ZNF227: variants seen among roughly 807,000 people sequenced by gnomAD.
ZNF227 encodes zinc finger protein 227.
ZNF227 carries 12 observed loss-of-function variants against 13.2 expected under a neutral mutation model. The ratio of observed to expected loss-of-function variants is 0.91; its 90% CI spans 0.58 to 1.47. The LOEUF (loss-of-function observed/expected upper bound fraction) is 1.47. Ranked by LOEUF, ZNF227 falls within the 40% of genes most tolerant of loss-of-function variation. The pLI, the probability that ZNF227 is intolerant of heterozygous loss-of-function variation, is 0.00. For synonymous variants in ZNF227, 338 were observed against 326.0 expected, an observed-to-expected ratio of 1.04 and a Z score of -0.40; for missense variants, 885 against 967.5, an observed-to-expected ratio of 0.91 and a Z score of 1.13.
intron 3 of ZNF227, among the ~76,000 whole-genome samples, chr19:44,225,747 G>A (rs1014436209): frequency 6.6e-6 from 1 of 152,180 alleles, no homozygotes; most frequent in African/African-American, 2.4e-5. Context: ...TTGATCGTCT[G>A]AAGCCTTCTC....
upstream of ZNF227, among the ~76,000 whole-genome samples, chr19:44,211,620 CTA>C (rs1971370608): frequency 1.3e-5 from 2 of 152,156 alleles, no homozygotes; most frequent in South Asian, 4.1e-4. Context: ...CTTGTGTTTT[CTA>C]TGTCTAGCTA....
intron 4 of ZNF227, chr19:44,228,806 G>A (rs981177271): frequency 1.4e-5 from 7 of 486,290 alleles, no homozygotes; most frequent in African/African-American, 1.2e-4. Context: ...AAGATATTTG[G>A]CAATGTCTGG....
Position 44,218,166 on chromosome 19 carries a change from G to T in ZNF227, c.60+314G>T, listed in dbSNP as rs1972088077. Among the ~76,000 whole-genome samples the T allele has an allele frequency of 3.3e-5, 5 of 151,992 alleles. No homozygotes were observed. In the South Asian group the frequency reaches 1.0e-3, roughly 32 times the overall value. Reference sequence around the variant, plus strand: ...ACTTGAGTAGATGAAATTTTCAATTGTGCATTCTCCACTTAATTGCATCAC... The same window carrying T: ...ACTTGAGTAGATGAAATTTTCAATTTTGCATTCTCCACTTAATTGCATCAC... On this transcript the variant is annotated intron_variant, in intron 3 of 5. Transcript: ENST00000313040.
chr19:44,235,175 C>A lies in ZNF227; in HGVS notation c.745C>A (p.Pro249Thr), dbSNP rs79006902. 2.5e-5 allele frequency: 40 copies of A among 1,613,922 alleles called. No individual in the cohort carries two copies. Among genetic ancestry groups the A allele is most frequent in the African/African-American group, 5.3e-5 (4 of 74,856 alleles). Residue 249 changes from proline to threonine, a missense_variant, in exon 6 of 6, where the codon CCC (proline) becomes ACC (threonine). Coordinates refer to ENST00000313040, the MANE Select transcript of ZNF227 (RefSeq NM_182490.3). ...SNQKLPLGEK[P>T]HPCGECGRGF... ...TCAGAAATTACCCTTAGGAGAGAAA[C>A]CCCATCCATGTGGTGAGTGTGGAAG...
At chr19:44,216,106 CT>C (rs1032870955) in intron 2 of ZNF227, among the ~76,000 whole-genome samples, 1 of 135,168 alleles carries the variant, frequency 7.4e-6, no homozygotes, top group Non-Finnish European at 1.6e-5. Context: ...AGTTCTTTGG[CT>C]TTTTTTAAAC....
intron 3 of ZNF227, among the ~76,000 whole-genome samples, chr19:44,223,731 A>AT (rs1478309689): frequency 2.0e-5 from 3 of 151,898 alleles, no homozygotes; most frequent in African/African-American, 7.3e-5. Flanking sequence ...GGATTCATTA[A>AT]TTTTTTGAAG....
At position 44,236,702 on chromosome 19, in the gene ZNF227, C is replaced by T. The variant is rs192544663; in HGVS notation, c.2272C>T (p.Arg758Cys). Residue 758 changes from arginine (R) to cysteine (C), a missense_variant, in exon 6 of 6, where the codon CGT becomes TGT. By Grantham distance (180) the Arg-to-Cys change is radical. Coordinates refer to ENST00000313040, the MANE Select transcript of ZNF227 (RefSeq NM_182490.3). ...ECGKGFSQSARLEAHQRVHTG... is the reference protein window; with the variant it reads ...ECGKGFSQSACLEAHQRVHTG... Reference sequence around the variant, plus strand: ...TGGTAAAGGCTTCAGTCAGAGTGCACGTCTTGAAGCCCATCAGAGAGTCCA... The same window carrying T: ...TGGTAAAGGCTTCAGTCAGAGTGCATGTCTTGAAGCCCATCAGAGAGTCCA... The T allele has an allele frequency of 2.7e-5, 43 of 1,605,508 alleles. No homozygotes were observed. The Admixed American group carries it at 3.4e-4, about 13-fold the overall frequency.
At chr19:44,233,315 AGTAG>A (rs1974054678) in intron 5 of ZNF227, among the ~76,000 whole-genome samples, 1 of 152,122 alleles carries the variant, frequency 6.6e-6, no homozygotes, top group Non-Finnish European at 1.5e-5. Flanking sequence ...TATTTCCTAT[AGTAG>A]TACTCTTATT....
intron 3 of ZNF227, 118 bp downstream of exon 3, chr19:44,217,970 A>G (rs1260615691): frequency 9.0e-7 from 1 of 1,111,438 alleles, no homozygotes; most frequent in Non-Finnish European, 1.3e-6. Flanking sequence ...GACATGTGGT[A>G]TGCTGACATG....
intron 3 of ZNF227, among the ~76,000 whole-genome samples, chr19:44,222,826 AC>A (rs1972690288): frequency 6.6e-6 from 1 of 151,772 alleles, no homozygotes; most frequent in Non-Finnish European, 1.5e-5. Context: ...GAGAGAGGGC[AC>A]CCCTGTCTTG....
intron 2 of ZNF227, chr19:44,213,904 A>C (rs1971576665): frequency 6.6e-6 from 1 of 152,252 alleles, no homozygotes; most frequent in Non-Finnish European, 1.5e-5. Context: ...TGCTCATTAT[A>C]GAGATGCACT....
At position 44,235,950 on chromosome 19, in the gene ZNF227, T is replaced by A. The variant is rs763149021; in HGVS notation, c.1520T>A (p.Leu507His). ...AAGGGCTTCAGTCAGGCTTCAAATC[T>A]TCAAGTCCATCAGAATGTCCACACT... is the stretch of plus-strand genomic sequence containing the variant. ...CGKGFSQASN[L>H]QVHQNVHTGE... The change falls in exon 6 of 6, where the codon CTT becomes CAT. Residue 507 changes from leucine to histidine, a missense_variant. Leu to His is a moderately conservative substitution (Grantham distance 99). Coordinates refer to ENST00000313040, the MANE Select transcript of ZNF227 (RefSeq NM_182490.3). 21 of 1,614,048 alleles carry A rather than the reference T, an allele frequency of 1.3e-5. No homozygotes were observed. The Admixed American group carries it at 3.5e-4, about 27-fold the overall frequency.
intron 3 of ZNF227, among the ~76,000 whole-genome samples, chr19:44,219,744 T>C (rs911031909): frequency 2.6e-5 from 4 of 151,188 alleles, no homozygotes; most frequent in African/African-American, 9.7e-5. Flanking sequence ...CTTTTTTTTT[T>C]GGATGTTGAT....
At chr19:44,225,418 T>C (rs540936727) in intron 3 of ZNF227, among the ~76,000 whole-genome samples, 22 of 152,360 alleles carry the variant, frequency 1.4e-4, no homozygotes, top group Admixed American at 2.0e-4. Flanking sequence ...CAGACGTAGA[T>C]CTGGTCTTTT....
At chr19:44,226,631 G>A (rs546484711) in intron 3 of ZNF227, among the ~76,000 whole-genome samples, 55 of 152,258 alleles carry the variant, frequency 3.6e-4, no homozygotes, top group Admixed American at 1.6e-3. Context: ...TTGGAAAAGC[G>A]CAGTATTAGG....
At chr19:44,207,854 C>T (rs1237335813), upstream of ZNF227, 1 of 152,322 alleles carries the variant, frequency 6.6e-6, no homozygotes, top group African/African-American at 2.4e-5. Context: ...TACTTGCCAG[C>T]TCTGCCACTT....
In ZNF227 at chr19:44,229,796, T is replaced by C. The variant is rs759845656; in HGVS notation, c.251T>C (p.Met84Thr). ...GAAGCAGAAGAAAAGCTTTGGATGA[T>C]GGAAACAGAAACCCAAAGAAGTAGG... The part of the protein sequence containing the change: ...QLEAEEKLWM[M>T]ETETQRSSKH... The change falls in exon 5 of 6, where the codon ATG becomes ACG. Residue 84 changes from methionine (M) to threonine (T), a missense_variant. Physicochemically the swap from Met to Thr is moderately conservative, Grantham distance 81. Coordinates refer to ENST00000313040, the MANE Select transcript of ZNF227 (RefSeq NM_182490.3). The C allele has an allele frequency of 1.3e-5, 20 of 1,582,816 alleles. No homozygotes were observed. The highest frequency in any genetic ancestry group is 1.2e-5 in the South Asian group (1 of 86,716).
rs188575030 is a variant in ZNF227 at position 44,232,890 on chromosome 19, C to T, written c.272-1812C>T. Among the ~76,000 whole-genome samples the T allele has an allele frequency of 4.7e-3, 716 of 152,144 alleles. 6 individuals carry two copies. The highest frequency in any genetic ancestry group is 0.02 in the Middle Eastern group (6 of 294). On this transcript the variant is annotated intron_variant, in intron 5 of 5. Coordinates refer to ENST00000313040, the MANE Select transcript of ZNF227 (RefSeq NM_182490.3). Reference sequence around the variant, plus strand: ...ACCATGTTGTGGGCCAGGCTGGTCTCGAACTCCTGACCTCAAGTGATCCAC... The same window carrying T: ...ACCATGTTGTGGGCCAGGCTGGTCTTGAACTCCTGACCTCAAGTGATCCAC...
upstream of ZNF227, among the ~76,000 whole-genome samples, chr19:44,208,305 T>C (rs1440573241): frequency 6.6e-6 from 1 of 152,226 alleles, no homozygotes; most frequent in Non-Finnish European, 1.5e-5. Context: ...CTAAATTTAC[T>C]TGAGAATCCA....
Sources: gnomAD v4.1 joint callset for allele counts (sites outside exome capture counted in the v4.1 genomes callset) on GRCh38, gnomAD v4.1.1 for gene constraint, MANE v1.5 for transcripts, NCBI Gene and HGNC (gene_info 2026-07-23, HGNC 2026-07-21) for gene names.